Variants in ADGRL3 observed in about 807,000 individuals in gnomAD.
The protein encoded by ADGRL3 is calcium-independent alpha-latrotoxin receptor 3.
ADGRL3 carries 62 observed loss-of-function variants against 153.5 expected under a neutral mutation model. The ratio of observed to expected loss-of-function variants is 0.40; its 90% confidence interval spans 0.33 to 0.50. ADGRL3 has a LOEUF of 0.50. Among genes scored for constraint, ADGRL3 ranks in the 20% least tolerant of loss-of-function variants. The pLI, the probability that ADGRL3 is intolerant of heterozygous loss-of-function variation, is 0.47. For missense variants in ADGRL3, 1,641 were observed against 1,859.4 expected (o/e 0.88, Z 2.16); for synonymous variants, 710 against 672.5 (o/e 1.06, Z -0.86).
At chr4:61,808,550 A>G (rs899751521) in intron 8 of ADGRL3, among the ~76,000 whole-genome samples, 12 of 152,214 alleles carry the variant, frequency 7.9e-5, no homozygotes, top group African/African-American at 2.4e-4. Context: ...TTGACTTTAC[A>G]CAATTTTTGT....
At chr4:61,418,477 T>C (rs1248606251) in intron 2 of ADGRL3, among the ~76,000 whole-genome samples, 1 of 143,020 alleles carries the variant, frequency 7.0e-6, no homozygotes, top group Non-Finnish European at 1.5e-5. Flanking sequence ...GGTCATCTTG[T>C]GTGCATTTCT....
At chr4:61,265,135 A>G (rs2092771639) in intron 1 of ADGRL3, among the ~76,000 whole-genome samples, 1 of 151,988 alleles carries the variant, frequency 6.6e-6, no homozygotes, top group African/African-American at 2.4e-5. Flanking sequence ...TTATCTTTGT[A>G]TACAGAATCT....
At chr4:61,704,225 T>C (rs2095817956) in intron 6 of ADGRL3, among the ~76,000 whole-genome samples, 1 of 152,176 alleles carries the variant, frequency 6.6e-6, no homozygotes, top group African/African-American at 2.4e-5. Flanking sequence ...TACCAGTAAG[T>C]AAATATTTCC....
chr4:61,390,334 G>C (rs372932946), intron 2 of ADGRL3, among the ~76,000 whole-genome samples: 29 of 152,172 alleles, frequency 1.9e-4, no homozygotes, highest in South Asian at 1.9e-3. Flanking sequence ...GTCCACAGCT[G>C]TGTCTAATCC....
At chr4:61,648,962 A>T (rs1173969285) in intron 5 of ADGRL3, among the ~76,000 whole-genome samples, 1 of 151,962 alleles carries the variant, frequency 6.6e-6, no homozygotes, top group African/African-American at 2.4e-5. Context: ...TATTTTCTAT[A>T]CTATCTTTCT....
intron 4 of ADGRL3, among the ~76,000 whole-genome samples, chr4:61,575,442 G>A (rs2098868710): frequency 6.6e-6 from 1 of 151,706 alleles, no homozygotes; most frequent in African/African-American, 2.4e-5. Flanking sequence ...ATGAAACTGT[G>A]GTATGTTGTC....
chr4:61,207,265 T>C (rs1477241496), intron 1 of ADGRL3, among the ~76,000 whole-genome samples: 1 of 152,136 alleles, frequency 6.6e-6, no homozygotes, highest in African/African-American at 2.4e-5. Flanking sequence ...GTTCTCATTG[T>C]TCAACTCCAA....
intron 5 of ADGRL3, among the ~76,000 whole-genome samples, chr4:61,642,070 C>G (rs930463732): frequency 6.7e-6 from 1 of 149,244 alleles, no homozygotes; most frequent in African/African-American, 2.5e-5. Context: ...TGTTTTTTGG[C>G]TGCATAAATG....
chr4:61,571,563 C>T (rs1019718022), intron 4 of ADGRL3, among the ~76,000 whole-genome samples: 1 of 151,932 alleles, frequency 6.6e-6, no homozygotes, highest in Non-Finnish European at 1.5e-5. Context: ...GTTTGGGCTG[C>T]ATGGAGGCAA....
intron 1 of ADGRL3, among the ~76,000 whole-genome samples, chr4:61,330,305 G>T (rs570270213): frequency 2.0e-5 from 3 of 152,256 alleles, no homozygotes; most frequent in South Asian, 2.1e-4. Flanking sequence ...ACTGAGCCAA[G>T]AAGATAGCCC....
chr4:61,361,818 C>T (rs1010688407), intron 1 of ADGRL3, among the ~76,000 whole-genome samples: 5 of 151,770 alleles, frequency 3.3e-5, no homozygotes, highest in African/African-American at 4.8e-5. Flanking sequence ...GTTAATATCA[C>T]AGAGTTTTGT....
Position 62,070,133 on chromosome 4 carries a change from A to G in ADGRL3, c.3857A>G (p.Asp1286Gly), listed in dbSNP as rs1745097193. 1.9e-6 allele frequency: 3 copies of G among 1,613,940 alleles called. No individual in the cohort carries two copies. The highest frequency in any genetic ancestry group is 1.7e-6 in the Non-Finnish European group (2 of 1,179,908). Residue 1286 changes from aspartate (D) to glycine (G), a missense_variant, in exon 27 of 27, where the codon GAT becomes GGT. Transcript: ENST00000683033. ...GAGGGGCTTCTGAACAATGCCAGGG[A>G]TACAAGTGTCATGGATACTCTACCA... The part of the protein sequence containing the change: ...ETKGLLNNAR[D>G]TSVMDTLPLN...
chr4:61,703,295 G>A (rs2095800571), intron 6 of ADGRL3, among the ~76,000 whole-genome samples: 2 of 128,270 alleles, frequency 1.6e-5, no homozygotes, highest in Admixed American at 7.6e-5. Context: ...AACAAATCTT[G>A]GTTGATATTT....
intron 18 of ADGRL3, among the ~76,000 whole-genome samples, chr4:61,980,306 A>ATTTG (rs1553901204): frequency 2.7e-5 from 2 of 74,430 alleles, no homozygotes; most frequent in African/African-American, 1.0e-4. Context: ...GTAACCACTA[A>ATTTG]TTTTTTTTTT....
intron 2 of ADGRL3, among the ~76,000 whole-genome samples, chr4:61,428,916 TCTATCTA>T (rs1288082742): frequency 4.0e-4 from 61 of 151,770 alleles, no homozygotes; most frequent in Non-Finnish European, 7.4e-4. Context: ...TATCTATCTA[TCTATCTA>T]TCTATCTATC....
intron 6 of ADGRL3, among the ~76,000 whole-genome samples, chr4:61,723,970 A>T (rs2096283519): frequency 6.6e-6 from 1 of 152,198 alleles, no homozygotes; most frequent in African/African-American, 2.4e-5. Flanking sequence ...CTCTTCACAG[A>T]GTACACATTC....
intron 4 of ADGRL3, among the ~76,000 whole-genome samples, chr4:61,564,109 T>C (rs1377647040): frequency 6.6e-6 from 1 of 152,164 alleles, no homozygotes; most frequent in African/African-American, 2.4e-5. Flanking sequence ...CTTTATAGAA[T>C]TGAAAAGAGT....
At chr4:61,358,298 C>T (rs1033440874) in intron 1 of ADGRL3, among the ~76,000 whole-genome samples, 2 of 152,096 alleles carry the variant, frequency 1.3e-5, no homozygotes, top group South Asian at 4.1e-4. Flanking sequence ...GGTTTCTGCT[C>T]ATGAAAGCAG....
intron 13 of ADGRL3, among the ~76,000 whole-genome samples, chr4:61,925,742 A>C (rs1375357673): frequency 6.6e-6 from 1 of 152,078 alleles, no homozygotes; most frequent in Non-Finnish European, 1.5e-5. Context: ...TGCCCCCATG[A>C]CCCAAACACC....
Sources: gnomAD v4.1 joint callset for allele counts (sites outside exome capture counted in the v4.1 genomes callset) on GRCh38, gnomAD v4.1.1 for gene constraint, MANE v1.5 for transcripts, NCBI Gene and HGNC (gene_info 2026-07-23, HGNC 2026-07-21) for gene names.